Variants in TMTC1 observed in about 807,000 individuals in gnomAD.
TMTC1 encodes transmembrane O-mannosyltransferase targeting cadherins 1.
In TMTC1, 73 loss-of-function variants were observed where a neutral mutation model predicts 104.8. That is an observed-to-expected ratio of 0.70 (90% CI 0.58 to 0.85). The LOEUF is 0.85. TMTC1 is among the 40% of genes least tolerant of loss of function. The probability of loss-of-function intolerance (pLI) is 0.00; values close to 1 mark genes in which losing one functional copy is unlikely to be tolerated. For synonymous variants in TMTC1, 434 were observed against 428.7 expected (o/e 1.01, Z -0.15); for missense variants, 1,035 against 1,096.1 (o/e 0.94, Z 0.79).
intron 5 of TMTC1, among the ~76,000 whole-genome samples, chr12:29,664,351 T>C (rs1261938232): frequency 3.9e-5 from 6 of 152,082 alleles, no homozygotes; most frequent in Admixed American, 2.0e-4. Flanking sequence ...TGACCAATAG[T>C]AAATGAGAAA....
intron 5 of TMTC1, among the ~76,000 whole-genome samples, chr12:29,668,636 C>T (rs7965504): frequency 0.55 from 83,853 of 151,202 alleles, 23,407 homozygotes; most frequent in African/African-American, 0.63. Flanking sequence ...AATTTTTGTA[C>T]TTTTAGTAGA....
intron 7 of TMTC1, among the ~76,000 whole-genome samples, 196 bp from the exon 8 acceptor site, chr12:29,583,770 G>A (rs570696716): frequency 6.6e-6 from 1 of 152,312 alleles, no homozygotes; most frequent in East Asian, 1.9e-4. Context: ...ATTTCTTGTA[G>A]AAATATTTCT....
At chr12:29,546,779 G>A (rs1592210444) in intron 10 of TMTC1, among the ~76,000 whole-genome samples, 1 of 152,086 alleles carries the variant, frequency 6.6e-6, no homozygotes, top group East Asian at 1.9e-4. Flanking sequence ...CTACTCGGGA[G>A]GCTGAGGCAG....
intron 5 of TMTC1, among the ~76,000 whole-genome samples, chr12:29,749,977 C>T (rs1235766454): frequency 8.6e-5 from 13 of 151,926 alleles, no homozygotes; most frequent in African/African-American, 3.1e-4. Flanking sequence ...AACCCTTTTC[C>T]CTCCTTCATG....
At position 29,535,910 on chromosome 12, in the gene TMTC1, G is replaced by A. The variant is rs144709686; in HGVS notation, c.1785+299C>T. On this transcript the variant is annotated intron_variant, in intron 11 of 17. Coordinates refer to ENST00000539277, the MANE Select transcript of TMTC1 (RefSeq NM_001193451.2). ...GCAATTCCTCAGAAAAATATTACAA[G>A]TAAGTGGTAATAAAAACATCAAATA... 7.9e-4 allele frequency: 233 copies of A among 295,486 alleles called. 5 individuals are homozygous for A. The East Asian group carries it at 0.018, about 23-fold the overall frequency. The allele number at this position is 295,486 out of a possible 1,614,324, so 18.3% of individuals were successfully genotyped here.
At chr12:29,536,368 G>C in intron 10 of TMTC1, 51 bp from the exon 11 acceptor site, 1 of 1,149,142 alleles carries the variant, frequency 8.7e-7, no homozygotes, top group Non-Finnish European at 1.3e-6. Context: ...ATAACACTTT[G>C]TTTCAATCCT....
chr12:29,598,581 T>C (rs1224179318), intron 7 of TMTC1, among the ~76,000 whole-genome samples: 2 of 152,256 alleles, frequency 1.3e-5, no homozygotes, highest in Admixed American at 6.5e-5. Context: ...CGTTTCTCAC[T>C]GAATTTTTTC....
chr12:29,601,336 A>T (rs866046395), intron 7 of TMTC1, among the ~76,000 whole-genome samples: 3 of 152,190 alleles, frequency 2.0e-5, no homozygotes, highest in Non-Finnish European at 4.4e-5. Flanking sequence ...GAAGAATCAA[A>T]TTTAAATGTC....
intron 5 of TMTC1, among the ~76,000 whole-genome samples, chr12:29,677,195 T>C (rs564235580): frequency 1.1e-4 from 16 of 152,326 alleles, no homozygotes; most frequent in African/African-American, 3.8e-4. Context: ...GGTTTCAGGA[T>C]CAAGGTTATT....
chr12:29,672,367 A>G (rs1304233665), intron 5 of TMTC1, among the ~76,000 whole-genome samples: 3 of 152,162 alleles, frequency 2.0e-5, no homozygotes, highest in African/African-American at 7.2e-5. Flanking sequence ...GATGGGGTCC[A>G]TTGCTAGTGG....
At chr12:29,556,513 G>C (rs1027803502) in intron 10 of TMTC1, among the ~76,000 whole-genome samples, 7 of 152,116 alleles carry the variant, frequency 4.6e-5, no homozygotes, top group African/African-American at 1.7e-4. Flanking sequence ...GATTCACAAA[G>C]AATATTAGCA....
At chr12:29,511,228 T>C (rs911810589) in intron 17 of TMTC1, among the ~76,000 whole-genome samples, 3 of 152,176 alleles carry the variant, frequency 2.0e-5, no homozygotes, top group Non-Finnish European at 4.4e-5. Context: ...TAAACATTCA[T>C]GTATGTATGT....
rs145779930 is a variant in TMTC1 at position 29,514,898 on chromosome 12, C to T, written c.2308-294G>A. ...GTGTGGTGGTGCACACCTGTAATCC[C>T]GGCTACTGGGGGGGCTGAGATGGGA... is the stretch of plus-strand genomic sequence containing the variant. On this transcript the variant is annotated intron_variant, in intron 15 of 17. Coordinates refer to ENST00000539277, the MANE Select transcript of TMTC1 (RefSeq NM_001193451.2). Among the ~76,000 whole-genome samples the T allele has an allele frequency of 3.3e-5, 5 of 152,060 alleles. No individual in the cohort carries two copies. In the East Asian group the frequency reaches 5.8e-4, roughly 18 times the overall value.
At chr12:29,707,403 A>C (rs1421995784) in intron 5 of TMTC1, among the ~76,000 whole-genome samples, 1 of 152,112 alleles carries the variant, frequency 6.6e-6, no homozygotes, top group East Asian at 1.9e-4. Flanking sequence ...CAGCCCCTTC[A>C]ACCCTTGTGT....
At chr12:29,536,133 A>T in intron 11 of TMTC1, 76 bp downstream of exon 11, 1 of 955,064 alleles carries the variant, frequency 1.0e-6, no homozygotes, top group Non-Finnish European at 1.7e-6. Flanking sequence ...TTAAATCATT[A>T]GTACAAAAAT....
At chr12:29,752,172 C>G (rs1943108702) in intron 4 of TMTC1, among the ~76,000 whole-genome samples, 1 of 151,770 alleles carries the variant, frequency 6.6e-6, no homozygotes, top group African/African-American at 2.4e-5. Context: ...CTTCTTCACC[C>G]CTCACCCTCC....
intron 10 of TMTC1, among the ~76,000 whole-genome samples, chr12:29,545,622 G>A (rs1944918312): frequency 9.9e-6 from 1 of 101,044 alleles, no homozygotes; most frequent in African/African-American, 5.2e-5. Flanking sequence ...AACAGAGCAA[G>A]ACTCTGTCAC....
Position 29,517,569 on chromosome 12 carries a change from G to A in TMTC1, c.2027C>T (p.Ala676Val). 1.2e-6 allele frequency: 2 copies of A among 1,614,068 alleles called. No individual in the cohort carries two copies. The highest frequency in any genetic ancestry group is 1.7e-6 in the Non-Finnish European group (2 of 1,179,984). The change falls in exon 14 of 18, where the codon GCC (alanine) becomes GTC (valine). Residue 676 changes from alanine (A) to valine (V), a missense_variant and splice_region_variant. Coordinates refer to ENST00000539277, the MANE Select transcript of TMTC1 (RefSeq NM_001193451.2). ...NSMAEEWYKRALQVAHKAEIL... is the reference protein window; with the variant it reads ...NSMAEEWYKRVLQVAHKAEIL... ...CTCAGCTTTGTGTGCCACCTGCAGG[G>A]CGCTGAGTTTGGAGAAAATCTAAAT...
intron 7 of TMTC1, among the ~76,000 whole-genome samples, chr12:29,586,193 T>C (rs1946128654): frequency 2.6e-5 from 4 of 152,190 alleles, no homozygotes; most frequent in Admixed American, 2.6e-4. Context: ...TTTATTCTCT[T>C]TGAAGCAATT....
Sources: gnomAD v4.1 joint callset for allele counts (sites outside exome capture counted in the v4.1 genomes callset) on GRCh38, gnomAD v4.1.1 for gene constraint, MANE v1.5 for transcripts, NCBI Gene and HGNC (gene_info 2026-07-23, HGNC 2026-07-21) for gene names.